DDX19A: variants seen among roughly 807,000 people sequenced by gnomAD.
The protein encoded by DDX19A is DEAD-box helicase 19A, also known as ATP-dependent RNA helicase DDX19A.
Under a neutral mutation model 60.6 loss-of-function variants are expected in DDX19A, and 12 were observed. The ratio of observed to expected loss-of-function variants is 0.20; its 90% CI spans 0.13 to 0.32. The LOEUF is 0.32. DDX19A is among the 10% of genes least tolerant of loss of function. The probability of loss-of-function intolerance (pLI) is 1.00; values close to 1 mark genes in which losing one functional copy is unlikely to be tolerated. For synonymous variants in DDX19A, 206 were observed against 218.2 expected, an observed-to-expected ratio of 0.94 and a Z score of 0.49; for missense variants, 337 against 600.6, an observed-to-expected ratio of 0.56 and a Z score of 4.59.
At chr16:70,350,005 G>A (rs921553455) in intron 1 of DDX19A, among the ~76,000 whole-genome samples, 1 of 152,182 alleles carries the variant, frequency 6.6e-6, no homozygotes, top group Non-Finnish European at 1.5e-5. Flanking sequence ...ACCAATGAAA[G>A]TGACAGAAGG....
At chr16:70,356,056 C>T (rs879130520) in intron 3 of DDX19A, 56 bp from the exon 4 acceptor site, 64 of 1,606,428 alleles carry the variant, frequency 4.0e-5, no homozygotes, top group Admixed American at 1.7e-5. Context: ...AGAGTGGCTT[C>T]ATAAGCCTGG....
Position 70,371,160 on chromosome 16 carries a change from T to A in DDX19A, c.1184-212T>A, listed in dbSNP as rs921967678. 111 of 790,990 alleles carry A rather than the reference T, an allele frequency of 1.4e-4. 3 individuals are homozygous for A. The Middle Eastern group carries it at 3.0e-3, about 22-fold the overall frequency. The allele number at this position is 790,990 out of a possible 1,614,324, so 49.0% of individuals were successfully genotyped here. ...TCTCCCAGAGGATTACCGACTGATC[T>A]CATGATTTTGTTGGCACTTGCCAAA... On this transcript the variant is annotated intron_variant, in intron 10 of 11. Transcript: ENST00000302243.
intron 4 of DDX19A, among the ~76,000 whole-genome samples, chr16:70,359,281 G>T (rs1057379551): frequency 6.6e-6 from 1 of 152,178 alleles, no homozygotes; most frequent in African/African-American, 2.4e-5. Context: ...CAAGTCAGAA[G>T]CTGCCGAGTG....
At chr16:70,357,366 G>GGTT (rs1964236412) in intron 4 of DDX19A, among the ~76,000 whole-genome samples, 3 of 44,596 alleles carry the variant, frequency 6.7e-5, no homozygotes, top group Non-Finnish European at 1.2e-4. Context: ...TTTTTGGTTT[G>GGTT]TTTTTTTTTT....
At chr16:70,364,421 G>C in intron 5 of DDX19A, 122 bp from the exon 6 acceptor site, 1 of 694,476 alleles carries the variant, frequency 1.4e-6, no homozygotes, top group Non-Finnish European at 2.5e-6. Context: ...GCTCAATGGA[G>C]AAAACCTGGG....
chr16:70,365,611 C>CA (rs1161222744), intron 7 of DDX19A: 4 of 202,920 alleles, frequency 2.0e-5, no homozygotes, highest in Admixed American at 1.7e-4. Context: ...CATAGTAAGA[C>CA]AAAAAATAAA....
chr16:70,348,529 A>G (rs760553920), intron 1 of DDX19A, among the ~76,000 whole-genome samples: 69 of 150,296 alleles, frequency 4.6e-4, no homozygotes, highest in Non-Finnish European at 8.0e-4. Context: ...CAGGAGGCTG[A>G]GGCATGAGAA....
intron 2 of DDX19A, among the ~76,000 whole-genome samples, chr16:70,353,027 A>G (rs550526321): frequency 6.6e-6 from 1 of 152,276 alleles, no homozygotes; most frequent in East Asian, 1.9e-4. Flanking sequence ...ATAACCATGA[A>G]CTTAGCTCTT....
intron 9 of DDX19A, among the ~76,000 whole-genome samples, chr16:70,368,813 T>A (rs959753028): frequency 6.6e-6 from 1 of 152,164 alleles, no homozygotes; most frequent in Admixed American, 6.6e-5. Flanking sequence ...CTAGAAGAAT[T>A]TCCTCACCTT....
chr16:70,356,760 G>T, intron 4 of DDX19A: 2 of 586,102 alleles, frequency 3.4e-6, no homozygotes, highest in Non-Finnish European at 5.0e-6. Flanking sequence ...TTGTGTCCTT[G>T]GCTATCCTGT....
In DDX19A at chr16:70,354,204, G is replaced by A. The variant is rs959796354; in HGVS notation, c.107-1281G>A. Among the ~76,000 whole-genome samples the A allele has an allele frequency of 5.3e-5, 8 of 151,574 alleles. No homozygotes were observed. The South Asian group carries it at 1.7e-3, about 32-fold the overall frequency. ...CTTGTTGCCCAGGCTGGAGTGCAAT[G>A]GCGTAATCTCAGCTCACTGCAACCT... On this transcript the variant is annotated intron_variant, in intron 2 of 11. Transcript: ENST00000302243.
At chr16:70,363,622 A>C (rs556074358) in intron 5 of DDX19A, 1 of 152,042 alleles carries the variant, frequency 6.6e-6, no homozygotes, top group Admixed American at 6.6e-5. Flanking sequence ...GGCGTGAGCC[A>C]CCGCACCCAG....
intron 2 of DDX19A, among the ~76,000 whole-genome samples, chr16:70,354,357 G>C (rs930790414): frequency 6.6e-6 from 1 of 152,038 alleles, no homozygotes; most frequent in African/African-American, 2.4e-5. Flanking sequence ...ATGTTGGTCA[G>C]GCTGGTCTCA....
intron 9 of DDX19A, 86 bp downstream of exon 9, chr16:70,366,947 G>T: frequency 6.7e-7 from 1 of 1,499,502 alleles, no homozygotes; most frequent in Non-Finnish European, 9.2e-7. Context: ...GCCCCTGAGC[G>T]CCATGGAAAG....
intron 4 of DDX19A, 113 bp from the exon 5 acceptor site, chr16:70,361,305 C>T (rs562769985): frequency 2.7e-5 from 22 of 815,498 alleles, no homozygotes; most frequent in Non-Finnish European, 3.8e-5. Flanking sequence ...TAGGAAAATA[C>T]GTCTGACAGA....
chr16:70,358,320 T>C (rs1964273945), intron 4 of DDX19A, among the ~76,000 whole-genome samples: 1 of 152,110 alleles, frequency 6.6e-6, no homozygotes, highest in Non-Finnish European at 1.5e-5. Context: ...CATGAGCCAC[T>C]GCACCCAGCC....
chr16:70,365,247 CTG>C lies in DDX19A; in HGVS notation c.604+120_604+121del, dbSNP rs1345973988. The C allele has an allele frequency of 3.5e-5, 22 of 636,990 alleles. No individual in the cohort carries two copies. The East Asian group carries it at 4.0e-4, about 12-fold the overall frequency. The allele number at this position is 636,990 out of a possible 1,614,324, so 39.5% of individuals were successfully genotyped here. On this transcript the variant is annotated intron_variant, in intron 7 of 11. Coordinates refer to ENST00000302243, the MANE Select transcript of DDX19A (RefSeq NM_018332.5). ...AATTCAGTCTGACCCTGGAGCCTAACTGTGTTGCTCTATTTGAATCTATTTGA... is the reference window on the plus strand; with the variant it reads ...AATTCAGTCTGACCCTGGAGCCTAACTGTTGCTCTATTTGAATCTATTTGA...
At chr16:70,365,228 G>C in intron 7 of DDX19A, 97 bp downstream of exon 7, 1 of 767,242 alleles carries the variant, frequency 1.3e-6, no homozygotes, top group Non-Finnish European at 2.2e-6. Flanking sequence ...TTCTAATTCA[G>C]TCTGACCCTG....
At chr16:70,366,886 C>T (rs768802021) in intron 9 of DDX19A, 25 bp downstream of exon 9, 1 of 1,613,386 alleles carries the variant, frequency 6.2e-7, no homozygotes, top group South Asian at 1.1e-5. Context: ...CAGTGGCAGG[C>T]CTGGCCCCTC....
Sources: allele counts gnomAD v4.1 joint callset (sites outside exome capture counted in the v4.1 genomes callset), GRCh38; gene constraint gnomAD v4.1.1; transcripts MANE v1.5; gene names NCBI Gene and HGNC (gene_info 2026-07-23, HGNC 2026-07-21).